The following CNTNAP2 variants were observed in gnomAD, a reference collection of about 807,000 sequenced individuals.
CNTNAP2 encodes the protein contactin-associated protein-like 2.
CNTNAP2 carries 98 observed loss-of-function variants against 155.2 expected under a neutral mutation model. The observed-to-expected ratio is 0.63, with a 90% CI of 0.54 to 0.75. The LOEUF (loss-of-function observed/expected upper bound fraction) is 0.75. CNTNAP2 is among the 30% of genes least tolerant of loss of function. CNTNAP2 has a pLI of 0.00. For missense variants in CNTNAP2, 1,727 were observed against 1,688.1 expected (o/e 1.02, Z -0.40); for synonymous variants, 651 against 631.2 (o/e 1.03, Z -0.47).
chr7:148,385,271 G>A (rs573591119), intron 22 of CNTNAP2, among the ~76,000 whole-genome samples: 3 of 152,210 alleles, frequency 2.0e-5, no homozygotes, highest in Non-Finnish European at 4.4e-5. Context: ...GACGCGGGGC[G>A]CTGTGAGCTA....
intron 2 of CNTNAP2, among the ~76,000 whole-genome samples, chr7:146,785,927 C>T (rs1802567547): frequency 6.6e-6 from 1 of 152,160 alleles, no homozygotes; most frequent in Non-Finnish European, 1.5e-5. Flanking sequence ...CGGTCCTTAA[C>T]ACTGTATCTG....
chr7:147,779,473 C>G (rs12532660), intron 13 of CNTNAP2, among the ~76,000 whole-genome samples: 2,017 of 152,246 alleles, frequency 0.013, 102 homozygotes, highest in Admixed American at 0.089. Flanking sequence ...TCTGTCTTTA[C>G]ATATAAAAGG....
intron 21 of CNTNAP2, among the ~76,000 whole-genome samples, chr7:148,341,221 T>C (rs763612822): frequency 1.3e-5 from 2 of 152,242 alleles, no homozygotes; most frequent in African/African-American, 2.4e-5. Context: ...CACTTATTCA[T>C]TTGAAATGTG....
At chr7:148,399,381 A>C (rs923026701) in intron 22 of CNTNAP2, among the ~76,000 whole-genome samples, 4 of 152,222 alleles carry the variant, frequency 2.6e-5, no homozygotes, top group African/African-American at 9.6e-5. Context: ...CAGGAGTTCA[A>C]GATCAGCCTG....
At chr7:146,440,643 T>C (rs1178228921) in intron 1 of CNTNAP2, among the ~76,000 whole-genome samples, 2 of 151,572 alleles carry the variant, frequency 1.3e-5, no homozygotes, top group Non-Finnish European at 2.9e-5. Context: ...ACCAAAACAA[T>C]GCATCTGCGT....
intron 14 of CNTNAP2, among the ~76,000 whole-genome samples, chr7:147,947,622 C>A (rs1300776723): frequency 2.6e-5 from 4 of 151,914 alleles, no homozygotes; most frequent in African/African-American, 9.7e-5. Context: ...CAGAGAAAGA[C>A]CCTGTCTCTA....
chr7:146,971,079 G>T (rs536974007), intron 3 of CNTNAP2, among the ~76,000 whole-genome samples: 16 of 152,008 alleles, frequency 1.1e-4, no homozygotes, highest in Non-Finnish European at 2.4e-4. Flanking sequence ...GAGGGGGAGG[G>T]ATAGCTTTAG....
chr7:148,369,181 C>CTTTTTTT (rs376460265), intron 21 of CNTNAP2, among the ~76,000 whole-genome samples: 11 of 92,348 alleles, frequency 1.2e-4, no homozygotes, highest in Middle Eastern at 0.012. Context: ...AATTGAATCC[C>CTTTTTTT]TTTTTTTTTT....
chr7:148,405,531 G>T (rs562091558), intron 22 of CNTNAP2, among the ~76,000 whole-genome samples: 1 of 123,566 alleles, frequency 8.1e-6, no homozygotes, highest in Non-Finnish European at 1.7e-5. Context: ...AGGTTCAAGC[G>T]GTTCAAGCAA....
At chr7:146,423,290 A>T (rs1796039154) in intron 1 of CNTNAP2, among the ~76,000 whole-genome samples, 1 of 152,132 alleles carries the variant, frequency 6.6e-6, no homozygotes, top group Non-Finnish European at 1.5e-5. Flanking sequence ...GATCAATTCT[A>T]TGAGTAGATT....
chr7:147,862,753 A>T lies in CNTNAP2; in HGVS notation c.2099-40812A>T, dbSNP rs115444715. Reference sequence around the variant, plus strand: ...AAAGGAAGTGAACTTTAAAAAATACATGTCTTATTACTGTCATTTGGAGTA... The same window carrying T: ...AAAGGAAGTGAACTTTAAAAAATACTTGTCTTATTACTGTCATTTGGAGTA... On this transcript the variant is annotated intron_variant, in intron 13 of 23. Transcript: ENST00000361727. Among the ~76,000 whole-genome samples, 613 of 152,242 alleles carry T rather than the reference A, an allele frequency of 4.0e-3. 4 individuals carry two copies. Among genetic ancestry groups the T allele is most frequent in the African/African-American group, 0.014 (585 of 41,546 alleles).
intron 8 of CNTNAP2, among the ~76,000 whole-genome samples, chr7:147,272,646 C>T (rs926132880): frequency 7.3e-5 from 11 of 150,856 alleles, no homozygotes; most frequent in Non-Finnish European, 7.4e-5. Context: ...CTACAGGCGC[C>T]GCCACCACGC....
intron 20 of CNTNAP2, among the ~76,000 whole-genome samples, chr7:148,244,753 G>A (rs1234391887): frequency 6.6e-6 from 1 of 151,512 alleles, no homozygotes; most frequent in Admixed American, 6.6e-5. Context: ...TGTAGAGATG[G>A]GGTTTCACCA....
chr7:147,228,041 C>A (rs868020385), intron 8 of CNTNAP2, among the ~76,000 whole-genome samples: 2 of 152,000 alleles, frequency 1.3e-5, no homozygotes, highest in African/African-American at 4.8e-5. Flanking sequence ...TAAAGGCCTG[C>A]AAATAAAATC....
chr7:147,138,155 T>C (rs1001369455), intron 8 of CNTNAP2, among the ~76,000 whole-genome samples: 39 of 151,866 alleles, frequency 2.6e-4, no homozygotes, highest in African/African-American at 9.4e-4. Context: ...AAATCCATCA[T>C]CTTAAGATAC....
At chr7:147,951,899 C>A (rs11765174) in intron 14 of CNTNAP2, among the ~76,000 whole-genome samples, 12,087 of 151,412 alleles carry the variant, frequency 0.08, 752 homozygotes, top group African/African-American at 0.17. Context: ...AACAAACCTG[C>A]ACATTCTGCA....
chr7:147,232,257 C>T (rs747003406), intron 8 of CNTNAP2, among the ~76,000 whole-genome samples: 2 of 152,006 alleles, frequency 1.3e-5, no homozygotes, highest in African/African-American at 4.8e-5. Flanking sequence ...TAAACCACAG[C>T]GATCTACAAA....
At chr7:146,253,751 A>C (rs998728909) in intron 1 of CNTNAP2, among the ~76,000 whole-genome samples, 1 of 152,210 alleles carries the variant, frequency 6.6e-6, no homozygotes, top group Non-Finnish European at 1.5e-5. Context: ...AAACTGTTTT[A>C]AAAGATGTAT....
chr7:147,120,738 C>T (rs1490337880), intron 5 of CNTNAP2, among the ~76,000 whole-genome samples: 1 of 150,900 alleles, frequency 6.6e-6, no homozygotes, highest in Non-Finnish European at 1.5e-5. Flanking sequence ...CCCACTAACT[C>T]GTCATCTAGC....
Sources: gnomAD v4.1 joint callset for allele counts (sites outside exome capture counted in the v4.1 genomes callset) on GRCh38, gnomAD v4.1.1 for gene constraint, MANE v1.5 for transcripts, NCBI Gene and HGNC (gene_info 2026-07-23, HGNC 2026-07-21) for gene names.